The following DRC3 variants were observed in gnomAD, a reference collection of about 807,000 sequenced individuals.
DRC3 encodes the protein leucine rich repeat containing 48.
A neutral mutation model predicts 57.6 loss-of-function variants in DRC3; 45 were observed. That is an observed-to-expected ratio of 0.78 (90% CI 0.62 to 1.00). DRC3 has a LOEUF of 1.00. Among genes scored for constraint, DRC3 ranks in the 50% least tolerant of loss-of-function variants. The probability of loss-of-function intolerance (pLI) is 0.00; values close to 1 mark genes in which losing one functional copy is unlikely to be tolerated. For missense variants in DRC3, 655 were observed against 675.2 expected (o/e 0.97, Z 0.33); for synonymous variants, 257 against 272.3 (o/e 0.94, Z 0.55).
In DRC3 at chr17:17,993,084, A is replaced by G; in HGVS notation, c.591+173A>G. 4.4e-6 allele frequency: 3 copies of G among 679,014 alleles called. 1 individual carries two copies. Among genetic ancestry groups the G allele is most frequent in the Non-Finnish European group, 7.3e-6 (3 of 411,430 alleles). 42.1% of individuals were successfully genotyped at this position (679,014 alleles called of 1,614,324 possible). A position where few individuals can be genotyped will look rare whatever the true frequency, so the allele number is the denominator to read the frequency against. ...ACTCTGTCAGAGTGATTCCAGCAGC[A>G]CCCTTGTAAGTACTGTTTTGTGTGC... On this transcript the variant is annotated intron_variant, in intron 6 of 13. Transcript: ENST00000399187.
intron 2 of DRC3, among the ~76,000 whole-genome samples, chr17:17,974,239 A>T (rs925185025): frequency 6.6e-6 from 1 of 152,236 alleles, no homozygotes. Flanking sequence ...ATGTAAATTA[A>T]GTTTCTAGAA....
At chr17:17,993,014 A>G (rs1304658267) in intron 6 of DRC3, 103 bp downstream of exon 6, 1 of 1,268,766 alleles carries the variant, frequency 7.9e-7, no homozygotes, top group African/African-American at 1.5e-5. Context: ...CCTGCCCACA[A>G]CTAGGAGAGA....
At chr17:17,986,157 C>T (rs2042946121) in intron 4 of DRC3, among the ~76,000 whole-genome samples, 1 of 152,184 alleles carries the variant, frequency 6.6e-6, no homozygotes, top group South Asian at 2.1e-4. Flanking sequence ...AGCAATCCAC[C>T]CGCCTCAGCC....
rs1223528272 is a variant in DRC3 at position 18,016,651 on chromosome 17, T to G, written c.1552T>G (p.Cys518Gly). Reference sequence around the variant, plus strand: ...GCAGAGCGAACTGGACAACCTGGAATGTGGCGACATCCTAGACTAGATGAA... The same window carrying G: ...GCAGAGCGAACTGGACAACCTGGAAGGTGGCGACATCCTAGACTAGATGAA... ...HMQSELDNLE[C>G]GDILD is the part of the protein sequence containing the mutation. Residue 518 changes from cysteine (C) to glycine (G), a missense_variant, in exon 14 of 14, where the codon TGT becomes GGT. By Grantham distance (159) the Cys-to-Gly change is radical (BLOSUM62 -3). Coordinates refer to ENST00000399187, the MANE Select transcript of DRC3 (RefSeq NM_031294.4). The G allele has an allele frequency of 6.2e-7, 1 of 1,612,322 alleles. No individual in the cohort carries two copies. Among genetic ancestry groups the G allele is most frequent in the Non-Finnish European group, 8.5e-7 (1 of 1,178,548 alleles).
chr17:18,007,262 T>G, intron 12 of DRC3, 115 bp downstream of exon 12: 2 of 926,058 alleles, frequency 2.2e-6, no homozygotes, highest in South Asian at 1.6e-5. Flanking sequence ...TGTTCTCATC[T>G]GCAAAAGGGC....
At chr17:17,984,068 C>A in intron 4 of DRC3, 124 bp downstream of exon 4, 1 of 623,694 alleles carries the variant, frequency 1.6e-6, no homozygotes, top group South Asian at 1.9e-5. Flanking sequence ...AGCCAGGGTA[C>A]GGCAGAAGCT....
At chr17:18,012,140 T>G (rs2044191769) in intron 12 of DRC3, among the ~76,000 whole-genome samples, 1 of 152,150 alleles carries the variant, frequency 6.6e-6, no homozygotes, top group South Asian at 2.1e-4. Context: ...TAAGCCTGTT[T>G]AAAACAAACA....
At chr17:18,002,717 G>A (rs569879129) in intron 9 of DRC3, among the ~76,000 whole-genome samples, 2 of 152,288 alleles carry the variant, frequency 1.3e-5, no homozygotes, top group East Asian at 1.9e-4. Flanking sequence ...CCAGGACCCC[G>A]TGAGGCAGAG....
chr17:17,987,286 G>A (rs182740047), intron 4 of DRC3, among the ~76,000 whole-genome samples: 83 of 151,016 alleles, frequency 5.5e-4, no homozygotes, highest in Admixed American at 1.2e-3. Context: ...CAAAAGTCTC[G>A]GTTGGGGTTG....
chr17:17,977,772 G>A lies in DRC3; in HGVS notation c.160+14G>A, dbSNP rs2042456628. On this transcript the variant is annotated intron_variant, in intron 3 of 13. Coordinates refer to ENST00000399187, the MANE Select transcript of DRC3 (RefSeq NM_031294.4). The stretch of plus-strand genomic sequence containing the variant: ...TGGACTTTCGGAGTATGTATCCAAG[G>A]TTCAGGGGTGGTGGCCAGGGTGGGC... 1 of 1,566,212 alleles carries A rather than the reference G, an allele frequency of 6.4e-7. No homozygotes were observed. The highest frequency in any genetic ancestry group is 8.7e-7 in the Non-Finnish European group (1 of 1,154,316).
intron 3 of DRC3, among the ~76,000 whole-genome samples, chr17:17,980,312 C>T (rs1389458041): frequency 6.7e-6 from 1 of 149,544 alleles, no homozygotes; most frequent in Non-Finnish European, 1.5e-5. Flanking sequence ...GACGGAGTCT[C>T]GCTCTGCCGC....
At chr17:17,991,761 G>A (rs1423574722) in intron 5 of DRC3, among the ~76,000 whole-genome samples, 1 of 152,114 alleles carries the variant, frequency 6.6e-6, no homozygotes, top group Non-Finnish European at 1.5e-5. Flanking sequence ...TCCCCTAGCT[G>A]TTATCCAGGG....
At chr17:17,998,925 A>G (rs1024513925) in intron 9 of DRC3, among the ~76,000 whole-genome samples, 1 of 152,206 alleles carries the variant, frequency 6.6e-6, no homozygotes, top group Non-Finnish European at 1.5e-5. Context: ...CACAGAAAAA[A>G]TTGTGGTTGC....
chr17:17,992,619 G>A lies in DRC3; in HGVS notation c.445-146G>A, dbSNP rs141147959. 2.0e-4 allele frequency: 162 copies of A among 805,506 alleles called. 2 individuals carry two copies. Among genetic ancestry groups the A allele is most frequent in the East Asian group, 1.4e-3 (52 of 36,410 alleles). 49.9% of individuals were successfully genotyped at this position (805,506 alleles called of 1,614,324 possible). A position where few individuals can be genotyped will look rare whatever the true frequency, so the allele number is the denominator to read the frequency against. On this transcript the variant is annotated intron_variant, in intron 5 of 13. Coordinates refer to ENST00000399187, the MANE Select transcript of DRC3 (RefSeq NM_031294.4). Reference sequence around the variant, plus strand: ...GCTTCCCAGCCTGGAACACCCCCACGCCTGCACACTGCCTGTCACCCCACC... The same window carrying A: ...GCTTCCCAGCCTGGAACACCCCCACACCTGCACACTGCCTGTCACCCCACC...
At chr17:17,998,100 A>ACCCAGG (rs369465487) in intron 9 of DRC3, among the ~76,000 whole-genome samples, 71 of 152,194 alleles carry the variant, frequency 4.7e-4, no homozygotes, top group African/African-American at 1.4e-3. Flanking sequence ...TGGGGCTCAG[A>ACCCAGG]CCCAGGCCCA....
At chr17:17,973,369 A>G (rs2042223610) in intron 1 of DRC3, among the ~76,000 whole-genome samples, 1 of 152,114 alleles carries the variant, frequency 6.6e-6, no homozygotes, top group Non-Finnish European at 1.5e-5. Flanking sequence ...TACTGTATAT[A>G]CCGCTTTGGA....
intron 3 of DRC3, among the ~76,000 whole-genome samples, chr17:17,982,179 G>C (rs532644663): frequency 2.0e-5 from 3 of 151,320 alleles, no homozygotes; most frequent in African/African-American, 7.3e-5. Context: ...TTTTAGTAGA[G>C]ACAGGGTTTC....
intron 5 of DRC3, among the ~76,000 whole-genome samples, chr17:17,990,636 CAG>C (rs1184602530): frequency 6.6e-6 from 1 of 152,260 alleles, no homozygotes; most frequent in Non-Finnish European, 1.5e-5. Context: ...TATTTTCTCT[CAG>C]GGTGCCATCT....
At chr17:17,979,235 T>C (rs985967003) in intron 3 of DRC3, among the ~76,000 whole-genome samples, 12 of 152,114 alleles carry the variant, frequency 7.9e-5, no homozygotes, top group Non-Finnish European at 1.5e-4. Flanking sequence ...GAAGCCACTG[T>C]GGAGAGACAG....
Sources: allele counts gnomAD v4.1 joint callset (sites outside exome capture counted in the v4.1 genomes callset), GRCh38; gene constraint gnomAD v4.1.1; transcripts MANE v1.5; gene names NCBI Gene and HGNC (gene_info 2026-07-23, HGNC 2026-07-21).